RAPGEFL1: variants seen among roughly 807,000 people sequenced by gnomAD.
RAPGEFL1 encodes the protein Rap guanine nucleotide exchange factor like 1, also known as rap guanine nucleotide exchange factor-like 1.
RAPGEFL1 carries 31 observed loss-of-function variants against 64.4 expected under a neutral mutation model. That is an observed-to-expected ratio of 0.48 (90% CI 0.36 to 0.65). The LOEUF is 0.65. Ranked by LOEUF, RAPGEFL1 falls within the 30% of genes least tolerant of loss-of-function variation. The probability of loss-of-function intolerance (pLI) is 0.00; values close to 1 mark genes in which losing one functional copy is unlikely to be tolerated. For synonymous variants in RAPGEFL1, 331 were observed against 274.1 expected (o/e 1.21, Z -2.05); for missense variants, 682 against 677.4 (o/e 1.01, Z -0.08).
chr17:40,194,231 CCGTGTGTG>C lies in RAPGEFL1; in HGVS notation c.*444_*451del. The C allele has an allele frequency of 7.2e-6, 1 of 139,194 alleles. No homozygotes were observed. Among genetic ancestry groups the C allele is most frequent in the South Asian group, 1.4e-4 (1 of 6,964 alleles). The allele number at this position is 139,194 out of a possible 1,614,324, so 8.6% of individuals were successfully genotyped here. A position where few individuals can be genotyped will look rare whatever the true frequency, so the allele number is the denominator to read the frequency against. On this transcript the variant is annotated 3_prime_UTR_variant, in exon 15 of 15. Coordinates refer to ENST00000620260, the MANE Select transcript of RAPGEFL1 (RefSeq NM_016339.6). Reference sequence around the variant, plus strand: ...TGGGACCCCCAGGAATATTATGTTGCCGTGTGTGTGTGTGTGTGTGTGTGTGTGTGTGT... The same window carrying C: ...TGGGACCCCCAGGAATATTATGTTGCTGTGTGTGTGTGTGTGTGTGTGTGT...
Position 40,177,697 on chromosome 17 carries a change from ACT to A in RAPGEFL1, c.-162_-161del. 1 of 409,192 alleles carries A rather than the reference ACT, an allele frequency of 2.4e-6. No homozygotes were observed. The highest frequency in any genetic ancestry group is 4.2e-6 in the Non-Finnish European group (1 of 235,642). The allele number at this position is 409,192 out of a possible 1,614,324, so 25.3% of individuals were successfully genotyped here. A position where few individuals can be genotyped will look rare whatever the true frequency, so the allele number is the denominator to read the frequency against. Reference sequence around the variant, plus strand: ...ACCTCCCCCGGCTACTGGCCACTGGACTCTGGCCAGCGAGGCTCGGCCCCTCT... The same window carrying A: ...ACCTCCCCCGGCTACTGGCCACTGGACTGGCCAGCGAGGCTCGGCCCCTCT... On this transcript the variant is annotated 5_prime_UTR_variant, in exon 1 of 15. Transcript: ENST00000620260.
At chr17:40,190,189 C>A (rs1036111755) in intron 6 of RAPGEFL1, among the ~76,000 whole-genome samples, 1 of 152,050 alleles carries the variant, frequency 6.6e-6, no homozygotes, top group Non-Finnish European at 1.5e-5. Flanking sequence ...CCCAGTGTCA[C>A]AAGGACAACA....
chr17:40,191,491 C>T lies in RAPGEFL1; in HGVS notation c.1511C>T (p.Ala504Val), dbSNP rs200626069. 1.9e-6 allele frequency: 3 copies of T among 1,603,676 alleles called. No individual in the cohort carries two copies. Among genetic ancestry groups the T allele is most frequent in the African/African-American group, 2.7e-5 (2 of 74,656 alleles). Residue 504 changes from alanine to valine, a missense_variant, in exon 9 of 15, where the codon GCC (alanine) becomes GTC (valine). This residue lies in a region of RAPGEFL1 where 411 missense variants were observed against 519.4 expected (regional missense o/e 0.79). Transcript: ENST00000620260. This position sits in a 1 kb window ranked among gnomAD's most constrained non-coding sequence, Gnocchi z 5.1. ...QLLKKFIKIA[A>V]LCKQNQDLLS... Reference sequence around the variant, plus strand: ...CTCAAGAAGTTCATCAAGATCGCGGCCCTGTGAGTGCGGCCGTCGGCGGGA... The same window carrying T: ...CTCAAGAAGTTCATCAAGATCGCGGTCCTGTGAGTGCGGCCGTCGGCGGGA...
rs1309050284 is a variant in RAPGEFL1, at chr17:40,191,850, T to A, written c.1605+178T>A. ...GCTTGGCTAATGGACCCTGTCTTTG[T>A]GCAAATTAGTGAAAAGCCCGGATCC... On this transcript the variant is annotated intron_variant, in intron 10 of 14. Transcript: ENST00000620260. The surrounding 1 kb of genome is among the most constrained non-coding windows in gnomAD (Gnocchi z 5.1). Among the ~76,000 whole-genome samples, 1 of 152,198 alleles carries A rather than the reference T, an allele frequency of 6.6e-6. No homozygotes were observed. The highest frequency in any genetic ancestry group is 1.9e-4 in the East Asian group (1 of 5,180).
chr17:40,189,479 A>G, intron 6 of RAPGEFL1, 104 bp downstream of exon 6: 1 of 1,300,162 alleles, frequency 7.7e-7, no homozygotes, highest in Non-Finnish European at 1.1e-6. Context: ...TTGCTACTCA[A>G]AGTATGGTCC....
chr17:40,190,702 T>C lies in RAPGEFL1; in HGVS notation c.1275T>C (p.Pro425=), dbSNP rs550362629. 4 of 1,614,144 alleles carry C rather than the reference T, an allele frequency of 2.5e-6. No homozygotes were observed. In the African/African-American group the frequency reaches 5.3e-5, roughly 22 times the overall value. ...ACACAGAGATCCACCGAGTGGAGCCTGAGGACGTTGCCAACCACCTAACTG... is the reference window on the plus strand; with the variant it reads ...ACACAGAGATCCACCGAGTGGAGCCCGAGGACGTTGCCAACCACCTAACTG... ...PGDTEIHRVE[P]EDVANHLTAF... is the part of the protein sequence containing the mutation. Residue 425 remains proline (P), a synonymous_variant, in exon 8 of 15, where the codon CCT becomes CCC. Transcript: ENST00000620260.
At chr17:40,182,937 C>G (rs1354722963) in intron 2 of RAPGEFL1, among the ~76,000 whole-genome samples, 1 of 152,118 alleles carries the variant, frequency 6.6e-6, no homozygotes, top group African/African-American at 2.4e-5. Flanking sequence ...CACTTGAGGG[C>G]AGGAGTTCGA....
chr17:40,177,465 T>G, upstream of RAPGEFL1: 1 of 641,620 alleles, frequency 1.6e-6, no homozygotes, highest in Admixed American at 2.3e-5. Context: ...GTCTCGGTTC[T>G]GCCACCTTCC....
chr17:40,184,454 T>C (rs2145207746), intron 3 of RAPGEFL1, 105 bp downstream of exon 3: 1 of 1,230,694 alleles, frequency 8.1e-7, no homozygotes, highest in Non-Finnish European at 1.1e-6. Flanking sequence ...AAGGAAGAGA[T>C]GCCAGGGGGC....
chr17:40,188,404 C>T (rs535128955), intron 4 of RAPGEFL1: 13 of 174,302 alleles, frequency 7.5e-5, no homozygotes, highest in Non-Finnish European at 1.3e-4. Flanking sequence ...GCCTGTCTAT[C>T]TCCTTCCTAG....
chr17:40,192,591 C>A lies in RAPGEFL1; in HGVS notation c.1657-15C>A. On this transcript the variant is annotated splice_polypyrimidine_tract_variant and intron_variant, in intron 11 of 14. Transcript: ENST00000620260. ...GGCCAGTCTGTCCCTTGATCTCTCTCCTGTGGAATACTAGGACCCCTGCAG... is the reference window on the plus strand; with the variant it reads ...GGCCAGTCTGTCCCTTGATCTCTCTACTGTGGAATACTAGGACCCCTGCAG... 1.2e-6 allele frequency: 2 copies of A among 1,605,058 alleles called. No individual in the cohort carries two copies. The highest frequency in any genetic ancestry group is 1.3e-5 in the African/African-American group (1 of 74,736).
intron 4 of RAPGEFL1, among the ~76,000 whole-genome samples, chr17:40,186,574 C>A (rs1598441907): frequency 2.3e-4 from 6 of 26,276 alleles, no homozygotes; most frequent in Non-Finnish European, 4.1e-4. Flanking sequence ...GACTCCGTCT[C>A]AAAAAAAAAA....
chr17:40,188,017 C>G lies in RAPGEFL1; in HGVS notation c.834-849C>G, dbSNP rs546000446. Among the ~76,000 whole-genome samples, 16 of 149,352 alleles carry G rather than the reference C, an allele frequency of 1.1e-4. No homozygotes were observed. The East Asian group carries it at 3.0e-3, about 28-fold the overall frequency. ...GCAACCTCCCCCTCCCGGGTTCAAG[C>G]GATTCTCCTGCCTCAGCCTCCCAAG... On this transcript the variant is annotated intron_variant, in intron 4 of 14. Transcript: ENST00000620260.
rs765198208 is a variant in RAPGEFL1, at chr17:40,190,551, T to C, written c.1212+20T>C. On this transcript the variant is annotated intron_variant, in intron 7 of 14. Transcript: ENST00000620260. ...GCTCTGGTAAGAACTTCCCAAGGCCTTGACTGGAATGGAGGGCTGAGGAGG... is the reference window on the plus strand; with the variant it reads ...GCTCTGGTAAGAACTTCCCAAGGCCCTGACTGGAATGGAGGGCTGAGGAGG... The C allele has an allele frequency of 1.2e-6, 2 of 1,613,996 alleles. No individual in the cohort carries two copies. Among genetic ancestry groups the C allele is most frequent in the African/African-American group, 2.7e-5 (2 of 74,908 alleles).
chr17:40,191,721 TC>T lies in RAPGEFL1; in HGVS notation c.1605+53del. On this transcript the variant is annotated intron_variant, in intron 10 of 14. Coordinates refer to ENST00000620260, the MANE Select transcript of RAPGEFL1 (RefSeq NM_016339.6). The surrounding 1 kb of genome is among the most constrained non-coding windows in gnomAD (Gnocchi z 5.1). ...ACCTGGGAATCTGGGCATCCCGGGC[TC>T]CCCGAAGTGCGTCCTCCCGGGACGG... 1 of 1,554,836 alleles carries T rather than the reference TC, an allele frequency of 6.4e-7. No homozygotes were observed. Among genetic ancestry groups the T allele is most frequent in the Non-Finnish European group, 8.8e-7 (1 of 1,140,936 alleles).
intron 1 of RAPGEFL1, among the ~76,000 whole-genome samples, chr17:40,179,194 G>A (rs1012079720): frequency 1.3e-5 from 2 of 152,144 alleles, no homozygotes; most frequent in Admixed American, 1.3e-4. Context: ...AGCCTCCTGA[G>A]TAGCTGGGAC....
In RAPGEFL1 at chr17:40,188,853, G is replaced by C. The variant is rs201212805; in HGVS notation, c.834-13G>C. ...TGGCAGGGCGTGCTGATGCCCAGCT[G>C]TGTCCATGCCAGGATTCCAGAGGAG... On this transcript the variant is annotated splice_polypyrimidine_tract_variant and intron_variant, in intron 4 of 14. Coordinates refer to ENST00000620260, the MANE Select transcript of RAPGEFL1 (RefSeq NM_016339.6). 1.9e-4 allele frequency: 299 copies of C among 1,610,576 alleles called. No individual in the cohort carries two copies. The African/African-American group carries it at 3.5e-3, about 19-fold the overall frequency.
rs1990381214 is a variant in RAPGEFL1 at position 40,194,231 on chromosome 17, C to CTG, written c.*443_*444insTG. 7.2e-6 allele frequency: 1 copy of CTG among 139,108 alleles called. No homozygotes were observed. Among genetic ancestry groups the CTG allele is most frequent in the Non-Finnish European group, 1.4e-5 (1 of 72,506 alleles). The allele number at this position is 139,108 out of a possible 1,614,324, so 8.6% of individuals were successfully genotyped here. ...TGGGACCCCCAGGAATATTATGTTG[C>CTG]CGTGTGTGTGTGTGTGTGTGTGTGT... is the stretch of plus-strand genomic sequence containing the variant. On this transcript the variant is annotated 3_prime_UTR_variant, in exon 15 of 15. Transcript: ENST00000620260.
intron 1 of RAPGEFL1, among the ~76,000 whole-genome samples, chr17:40,180,506 C>A (rs112063741): frequency 1.3e-5 from 2 of 152,114 alleles, no homozygotes; most frequent in Non-Finnish European, 2.9e-5. Context: ...AGAGAACTTA[C>A]AGAAGTTACT....
Sources: gnomAD v4.1 joint callset for allele counts (sites outside exome capture counted in the v4.1 genomes callset) on GRCh38, gnomAD v4.1.1 for gene constraint, gnomAD v4.1.1 regional missense constraint, Gnocchi (gnomAD v3.1) non-coding constraint, MANE v1.5 for transcripts, NCBI Gene and HGNC (gene_info 2026-07-23, HGNC 2026-07-21) for gene names.